GABRP: variants seen among roughly 807,000 people sequenced by gnomAD.
GABRP encodes gamma-aminobutyric acid type A receptor subunit pi.
In GABRP, 52 loss-of-function variants were observed where a neutral mutation model predicts 47.8. That is an observed-to-expected ratio of 1.09 (90% confidence interval 0.87 to 1.37). The LOEUF (loss-of-function observed/expected upper bound fraction) is 1.37. GABRP is among the 40% of genes most tolerant of loss of function. The pLI is 0.00. For missense variants in GABRP, 525 were observed against 542.8 expected (o/e 0.97, Z 0.33); for synonymous variants, 221 against 205.8 (o/e 1.07, Z -0.63).
At position 170,808,667 on chromosome 5, in the gene GABRP, C is replaced by A. The variant is rs756301949; in HGVS notation, c.747C>A (p.Thr249=). 6.2e-7 allele frequency: 1 copy of A among 1,613,974 alleles called. No homozygotes were observed. The highest frequency in any genetic ancestry group is 8.5e-7 in the Non-Finnish European group (1 of 1,179,850). The change falls in exon 8 of 10, where the codon ACC becomes ACA. Residue 249 remains threonine, a synonymous_variant. Coordinates refer to ENST00000265294, the MANE Select transcript of GABRP (RefSeq NM_014211.3). ...ATGTTCTGTATTTCATTTTGGAAAC[C>A]TACGTTCCTTCCACTTTCCTGGTGG... ...RRNVLYFILE[T]YVPSTFLVVL... is the part of the protein sequence containing the mutation.
chr5:170,811,833 G>A (rs1561817208), intron 9 of GABRP, 123 bp from the exon 10 acceptor site: 3 of 909,666 alleles, frequency 3.3e-6, no homozygotes, highest in East Asian at 2.5e-5. Flanking sequence ...AGCACTCAAT[G>A]CCACTCTCTA....
intron 8 of GABRP, among the ~76,000 whole-genome samples, chr5:170,809,154 C>T (rs1441505302): frequency 1.3e-5 from 2 of 152,126 alleles, no homozygotes; most frequent in African/African-American, 2.4e-5. Context: ...CCAGGCTGGT[C>T]CTGAACTCCT....
At chr5:170,787,616 G>C (rs566038488) in intron 1 of GABRP, among the ~76,000 whole-genome samples, 3 of 127,082 alleles carry the variant, frequency 2.4e-5, no homozygotes, top group Non-Finnish European at 3.4e-5. Context: ...AGAGAGTACC[G>C]GGGGGGAGGC....
At chr5:170,798,583 A>G (rs1765500645) in intron 6 of GABRP, among the ~76,000 whole-genome samples, 1 of 152,142 alleles carries the variant, frequency 6.6e-6, no homozygotes. Flanking sequence ...CTGTGGTTCC[A>G]GATGAGTTCT....
chr5:170,811,786 A>G (rs1765889947), intron 9 of GABRP, among the ~76,000 whole-genome samples, 170 bp from the exon 10 acceptor site: 1 of 152,216 alleles, frequency 6.6e-6, no homozygotes, highest in Non-Finnish European at 1.5e-5. Context: ...AAACAGGGCA[A>G]CAGGAGCCCA....
At chr5:170,798,887 G>T (rs1561811427) in intron 6 of GABRP, among the ~76,000 whole-genome samples, 1 of 151,832 alleles carries the variant, frequency 6.6e-6, no homozygotes, top group Non-Finnish European at 1.5e-5. Flanking sequence ...GTGTTGGTGT[G>T]CTGCACCCAT....
rs867777862 is a variant in GABRP at position 170,807,546 on chromosome 5, A to C, written c.680-1054A>C. Among the ~76,000 whole-genome samples the C allele has an allele frequency of 7.9e-5, 12 of 152,228 alleles. No homozygotes were observed. The South Asian group carries it at 1.0e-3, about 13-fold the overall frequency. On this transcript the variant is annotated intron_variant, in intron 7 of 9. Coordinates refer to ENST00000265294, the MANE Select transcript of GABRP (RefSeq NM_014211.3). ...ACTTTCAAAATCAAGAAAATAAAGC[A>C]GGCAGTGTAGACTGATAAAACATCC...
At chr5:170,791,849 C>T (rs1264227008) in intron 3 of GABRP, among the ~76,000 whole-genome samples, 1 of 152,172 alleles carries the variant, frequency 6.6e-6, no homozygotes, top group African/African-American at 2.4e-5. Context: ...TTATAATGAG[C>T]AGAAGTTTAT....
chr5:170,809,480 G>A, intron 8 of GABRP, 88 bp from the exon 9 acceptor site: 1 of 1,330,680 alleles, frequency 7.5e-7, no homozygotes, highest in Middle Eastern at 2.6e-4. Context: ...CCCTCACCCT[G>A]CCAATTCTCA....
At chr5:170,798,180 C>T in intron 6 of GABRP, among the ~76,000 whole-genome samples, 1 of 152,124 alleles carries the variant, frequency 6.6e-6, no homozygotes, top group Non-Finnish European at 1.5e-5. Flanking sequence ...TAGCCGGGAC[C>T]ACAGGCGCCC....
intron 7 of GABRP, 61 bp from the exon 8 acceptor site, chr5:170,808,539 A>T: frequency 2.0e-6 from 3 of 1,484,876 alleles, no homozygotes; most frequent in Non-Finnish European, 2.8e-6. Context: ...TAAGCATCCC[A>T]TAGAGAAACC....
At chr5:170,788,736 G>A in intron 2 of GABRP, 68 bp downstream of exon 2, 1 of 1,447,106 alleles carries the variant, frequency 6.9e-7, no homozygotes, top group Non-Finnish European at 9.7e-7. Flanking sequence ...TGGTGGGAGG[G>A]GGCAGCTCCT....
At chr5:170,796,962 C>G (rs1265311947) in intron 5 of GABRP, among the ~76,000 whole-genome samples, 1 of 152,194 alleles carries the variant, frequency 6.6e-6, no homozygotes, top group Non-Finnish European at 1.5e-5. Context: ...CCTGGGGCCC[C>G]CACTGCCTCT....
At chr5:170,783,964 C>A (rs1765066209) in intron 1 of GABRP, 90 bp downstream of exon 1, 1 of 152,260 alleles carries the variant, frequency 6.6e-6, no homozygotes, top group Admixed American at 6.5e-5. Flanking sequence ...AGGGAGGGGG[C>A]AGGCCTGGAC....
At chr5:170,795,979 G>C (rs1370037048) in intron 5 of GABRP, among the ~76,000 whole-genome samples, 1 of 152,052 alleles carries the variant, frequency 6.6e-6, no homozygotes, top group African/African-American at 2.4e-5. Flanking sequence ...TGCAGCCATG[G>C]GCTCCCCTTT....
intron 6 of GABRP, among the ~76,000 whole-genome samples, chr5:170,804,746 G>A (rs1002515800): frequency 5.3e-5 from 8 of 151,858 alleles, no homozygotes; most frequent in South Asian, 2.1e-4. Flanking sequence ...TATTATCATC[G>A]TCACTCATAG....
intron 4 of GABRP, among the ~76,000 whole-genome samples, chr5:170,794,843 C>A (rs1267888574): frequency 6.6e-6 from 1 of 151,756 alleles, no homozygotes; most frequent in Non-Finnish European, 1.5e-5. Flanking sequence ...AAAAATTCAA[C>A]AATTTGGTGG....
Position 170,798,068 on chromosome 5 carries a change from G to A in GABRP, c.541+520G>A, listed in dbSNP as rs561943933. ...TTGTTTTGTTCTGTTTTGAGACGGAGTCTCGCTCTGTCGCCCAAGCTGGAC... is the reference window on the plus strand; with the variant it reads ...TTGTTTTGTTCTGTTTTGAGACGGAATCTCGCTCTGTCGCCCAAGCTGGAC... On this transcript the variant is annotated intron_variant, in intron 6 of 9. Coordinates refer to ENST00000265294, the MANE Select transcript of GABRP (RefSeq NM_014211.3). Among the ~76,000 whole-genome samples, 5 of 152,324 alleles carry A rather than the reference G, an allele frequency of 3.3e-5. No individual in the cohort carries two copies. The South Asian group carries it at 1.0e-3, about 32-fold the overall frequency.
Position 170,808,757 on chromosome 5 carries a change from G to A in GABRP, c.832+5G>A. On this transcript the variant is annotated splice_donor_5th_base_variant and intron_variant, in intron 8 of 9. Coordinates refer to ENST00000265294, the MANE Select transcript of GABRP (RefSeq NM_014211.3). ...TCCCTGCAAGAACCTGCATTGGTAA[G>A]CAGCTCCAACAGGAGATTTCTAAGA... is the stretch of plus-strand genomic sequence containing the variant. 6.2e-7 allele frequency: 1 copy of A among 1,613,412 alleles called. No homozygotes were observed. Among genetic ancestry groups the A allele is most frequent in the Non-Finnish European group, 8.5e-7 (1 of 1,179,686 alleles).
Sources: allele counts gnomAD v4.1 joint callset (sites outside exome capture counted in the v4.1 genomes callset), GRCh38; gene constraint gnomAD v4.1.1; transcripts MANE v1.5; gene names NCBI Gene and HGNC (gene_info 2026-07-23, HGNC 2026-07-21).